Variants in CTNNBL1 observed in about 807,000 individuals in gnomAD.
CTNNBL1 encodes the protein catenin beta like 1, also known as beta-catenin-like protein 1.
In CTNNBL1, 31 loss-of-function variants were observed where a neutral mutation model predicts 72.7. The observed-to-expected ratio is 0.43, with a 90% CI of 0.32 to 0.58. CTNNBL1 has a LOEUF of 0.58. CTNNBL1 is among the 20% of genes least tolerant of loss of function. The probability of loss-of-function intolerance (pLI) is 0.08; values close to 1 mark genes in which losing one functional copy is unlikely to be tolerated. For missense variants in CTNNBL1, 534 were observed against 725.1 expected, an observed-to-expected ratio of 0.74 and a Z score of 3.03; for synonymous variants, 240 against 267.3, an observed-to-expected ratio of 0.90 and a Z score of 1.00.
chr20:37,697,075 T>C (rs540345080), intron 1 of CTNNBL1, among the ~76,000 whole-genome samples: 1 of 151,730 alleles, frequency 6.6e-6, no homozygotes, highest in African/African-American at 2.4e-5. Context: ...CCCAGCTACT[T>C]GGGAGGCTGA....
chr20:37,732,522 G>A (rs1029088175), intron 1 of CTNNBL1, among the ~76,000 whole-genome samples: 6 of 152,100 alleles, frequency 3.9e-5, no homozygotes, highest in African/African-American at 9.7e-5. Flanking sequence ...GCAAAACTGC[G>A]TATAAAAAAA....
chr20:37,802,056 G>T (rs980025545), intron 10 of CTNNBL1, among the ~76,000 whole-genome samples: 2 of 152,198 alleles, frequency 1.3e-5, no homozygotes, highest in African/African-American at 2.4e-5. Context: ...ATCCAAAAAT[G>T]AAACTAAGGA....
Position 37,694,232 on chromosome 20 carries a change from C to T in CTNNBL1, c.30+80C>T. The T allele has an allele frequency of 6.3e-6, 8 of 1,264,650 alleles. No homozygotes were observed. In the South Asian group the frequency reaches 1.1e-4, roughly 17 times the overall value. 78.3% of individuals were successfully genotyped at this position (1,264,650 alleles called of 1,614,324 possible). ...AGGAGCCAGAGCCCTTTCATCTCACCTCCTCTCGCCTCACTCCCGGGCCCT... is the reference window on the plus strand; with the variant it reads ...AGGAGCCAGAGCCCTTTCATCTCACTTCCTCTCGCCTCACTCCCGGGCCCT... On this transcript the variant is annotated intron_variant, in intron 1 of 15. Transcript: ENST00000361383.
chr20:37,869,934 C>T lies in CTNNBL1; in HGVS notation c.1604-1991C>T, dbSNP rs1243745894. On this transcript the variant is annotated intron_variant, in intron 15 of 15. Transcript: ENST00000361383. ...ACCACCCCATCCTCCCCCTTCCCCT[C>T]CCACCAGATCCCCTACACTTGCTCT... 3.9e-5 allele frequency among the ~76,000 whole-genome samples: 6 copies of T among 151,922 alleles called. No individual in the cohort carries two copies. The East Asian group carries it at 1.2e-3, about 29-fold the overall frequency.
chr20:37,708,145 T>G (rs1048715298), intron 1 of CTNNBL1, among the ~76,000 whole-genome samples: 3 of 151,986 alleles, frequency 2.0e-5, no homozygotes, highest in Admixed American at 6.6e-5. Context: ...GACACAGACA[T>G]GAAGTGAACA....
At chr20:37,839,093 G>A (rs141714024) in intron 11 of CTNNBL1, among the ~76,000 whole-genome samples, 1 of 152,036 alleles carries the variant, frequency 6.6e-6, no homozygotes. Flanking sequence ...GAAATCTAAG[G>A]ACTGAATAAC....
rs989131915 is a variant in CTNNBL1, at chr20:37,845,431, G to A, written c.1392+3012G>A. Among the ~76,000 whole-genome samples, 5 of 152,202 alleles carry A rather than the reference G, an allele frequency of 3.3e-5. No individual in the cohort carries two copies. In the East Asian group the frequency reaches 5.8e-4, roughly 18 times the overall value. ...GCTGTGTGCCACGGGCACCAAGGCC[G>A]TGCTGTTCCCTGACAAACATCTGTC... On this transcript the variant is annotated intron_variant, in intron 13 of 15. Coordinates refer to ENST00000361383, the MANE Select transcript of CTNNBL1 (RefSeq NM_030877.5).
chr20:37,732,290 A>C (rs2073136054), intron 1 of CTNNBL1, among the ~76,000 whole-genome samples: 1 of 152,262 alleles, frequency 6.6e-6, no homozygotes, highest in Non-Finnish European at 1.5e-5. Flanking sequence ...TTGGGAGTAC[A>C]GTAGACATTC....
At chr20:37,709,530 T>A (rs2072919462) in intron 1 of CTNNBL1, among the ~76,000 whole-genome samples, 1 of 152,212 alleles carries the variant, frequency 6.6e-6, no homozygotes, top group South Asian at 2.1e-4. Context: ...TCATGTTATC[T>A]TTTAGCAGAC....
chr20:37,708,959 A>G (rs1213110234), intron 1 of CTNNBL1, among the ~76,000 whole-genome samples: 3 of 152,152 alleles, frequency 2.0e-5, no homozygotes, highest in African/African-American at 4.8e-5. Flanking sequence ...CAACATGGTG[A>G]AACCCTGTCT....
intron 10 of CTNNBL1, among the ~76,000 whole-genome samples, chr20:37,795,708 C>T (rs886090770): frequency 2.0e-5 from 3 of 152,008 alleles, no homozygotes; most frequent in South Asian, 2.1e-4. Flanking sequence ...ATGCTTTTCT[C>T]GACTTTCTTC....
intron 1 of CTNNBL1, among the ~76,000 whole-genome samples, chr20:37,728,991 C>T (rs535085890): frequency 2.0e-5 from 3 of 152,306 alleles, no homozygotes; most frequent in Admixed American, 6.5e-5. Flanking sequence ...TATTTATACA[C>T]GACCCTGTTG....
intron 15 of CTNNBL1, among the ~76,000 whole-genome samples, chr20:37,867,709 GCA>G (rs2072547794): frequency 6.6e-6 from 1 of 151,452 alleles, no homozygotes; most frequent in Non-Finnish European, 1.5e-5. Context: ...ATGCACACAC[GCA>G]CACACGCACA....
intron 6 of CTNNBL1, among the ~76,000 whole-genome samples, chr20:37,766,651 G>T (rs890662136): frequency 2.0e-5 from 3 of 152,142 alleles, no homozygotes; most frequent in Admixed American, 6.5e-5. Context: ...ACAGGTGGAG[G>T]AGTGGGAGAA....
chr20:37,864,521 A>C (rs2072520404), intron 15 of CTNNBL1, among the ~76,000 whole-genome samples: 2 of 152,044 alleles, frequency 1.3e-5, no homozygotes, highest in African/African-American at 2.4e-5. Flanking sequence ...GGGGGTGCCA[A>C]GAGCGCAGGG....
At chr20:37,730,438 A>C (rs1378430199) in intron 1 of CTNNBL1, among the ~76,000 whole-genome samples, 1 of 152,222 alleles carries the variant, frequency 6.6e-6, no homozygotes, top group African/African-American at 2.4e-5. Context: ...GAGTTCTTTC[A>C]CTTGAAGTTC....
intron 10 of CTNNBL1, among the ~76,000 whole-genome samples, chr20:37,782,963 A>T (rs557473786): frequency 6.6e-6 from 1 of 152,330 alleles, no homozygotes; most frequent in East Asian, 1.9e-4. Flanking sequence ...TACAATAGCC[A>T]CATTTCAGAT....
chr20:37,858,522 G>T (rs1289371967), intron 13 of CTNNBL1, among the ~76,000 whole-genome samples: 2 of 152,230 alleles, frequency 1.3e-5, no homozygotes, highest in Non-Finnish European at 2.9e-5. Context: ...GAATCCCAAG[G>T]GGGGAAGGCA....
chr20:37,715,825 T>C (rs985949759), intron 1 of CTNNBL1, among the ~76,000 whole-genome samples: 1 of 152,216 alleles, frequency 6.6e-6, no homozygotes, highest in African/African-American at 2.4e-5. Flanking sequence ...CTGAAGTCAT[T>C]GTAAATTGAC....
Sources: allele counts gnomAD v4.1 joint callset (sites outside exome capture counted in the v4.1 genomes callset), GRCh38; gene constraint gnomAD v4.1.1; transcripts MANE v1.5; gene names NCBI Gene and HGNC (gene_info 2026-07-23, HGNC 2026-07-21).